The following CTSV variants were observed in gnomAD, a reference collection of about 807,000 sequenced individuals.
CTSV encodes the protein cathepsin V, also known as cathepsin L2.
In CTSV, 33 loss-of-function variants were observed where a neutral mutation model predicts 35.6. That is an observed-to-expected ratio of 0.93 (90% CI 0.70 to 1.24). CTSV has a LOEUF of 1.24. Ranked by LOEUF, CTSV falls within the 50% of genes most tolerant of loss-of-function variation. The probability of loss-of-function intolerance (pLI) is 0.00; values close to 1 mark genes in which losing one functional copy is unlikely to be tolerated. For synonymous variants in CTSV, 154 were observed against 147.1 expected (o/e 1.05, Z -0.34); for missense variants, 408 against 413.1 (o/e 0.99, Z 0.11).
Position 97,030,648 on chromosome 9 carries a change from C to T in CTSV, c.*2301G>A, listed in dbSNP as rs1184186895. On this transcript the variant is annotated 3_prime_UTR_variant, in exon 8 of 8. Coordinates refer to ENST00000259470, the MANE Select transcript of CTSV (RefSeq NM_001333.4). ...GATTATAGATTAACTAAAAGTATTC[C>T]TTCCCAAACGAAACAAAGGCATGGG... is the stretch of plus-strand genomic sequence containing the variant. 6.6e-6 allele frequency: 1 copy of T among 152,164 alleles called. No homozygotes were observed. Among genetic ancestry groups the T allele is most frequent in the Non-Finnish European group, 1.5e-5 (1 of 68,022 alleles). 9.4% of individuals were successfully genotyped at this position (152,164 alleles called of 1,614,324 possible). A position where few individuals can be genotyped will look rare whatever the true frequency, so the allele number is the denominator to read the frequency against.
chr9:97,038,335 T>C (rs1040962234), intron 1 of CTSV: 11 of 274,366 alleles, frequency 4.0e-5, no homozygotes, highest in Admixed American at 9.2e-5. Context: ...ACTAGAAAAC[T>C]AGGAAAGAGT....
At chr9:97,034,572 G>C in intron 7 of CTSV, 154 bp downstream of exon 7, 1 of 613,986 alleles carries the variant, frequency 1.6e-6, no homozygotes, top group South Asian at 2.2e-5. Flanking sequence ...ACTCCAAAAA[G>C]CTTGGTACGG....
chr9:97,034,083 C>A (rs144624896), intron 7 of CTSV, among the ~76,000 whole-genome samples: 5 of 152,084 alleles, frequency 3.3e-5, no homozygotes, highest in Non-Finnish European at 7.4e-5. Context: ...GGTGACAGAG[C>A]GACACTCTGT....
At position 97,030,278 on chromosome 9, in the gene CTSV, T is replaced by C. The variant is rs1828719174; in HGVS notation, c.*2671A>G. The C allele has an allele frequency of 6.6e-6, 1 of 152,218 alleles. No individual in the cohort carries two copies. Among genetic ancestry groups the C allele is most frequent in the African/African-American group, 2.4e-5 (1 of 41,448 alleles). 9.4% of individuals were successfully genotyped at this position (152,218 alleles called of 1,614,324 possible). ...GGATGTTTCCTTATTGCTAAGTCCA[T>C]AGCCTCTAGTATGATGCCCAAGTGT... is the stretch of plus-strand genomic sequence containing the variant. On this transcript the variant is annotated 3_prime_UTR_variant, in exon 8 of 8. Transcript: ENST00000259470.
intron 1 of CTSV, chr9:97,038,525 T>C (rs1024956739): frequency 2.6e-5 from 4 of 154,680 alleles, no homozygotes; most frequent in African/African-American, 9.6e-5. Context: ...ATAAAACCTT[T>C]CGGGAATCCC....
At position 97,037,980 on chromosome 9, in the gene CTSV, C is replaced by A; in HGVS notation, c.64G>T (p.Asp22Tyr). The change falls in exon 2 of 8, where the codon GAC becomes TAC. Residue 22 changes from aspartate (D) to tyrosine (Y), a missense_variant. Asp to Tyr is a radical substitution (Grantham distance 160). Transcript: ENST00000259470. ...TACCACTTTGTATCCAAATTTTGGTCAAATTTTGGAACAGCGGAGGCTATT... is the reference window on the plus strand; with the variant it reads ...TACCACTTTGTATCCAAATTTTGGTAAAATTTTGGAACAGCGGAGGCTATT... ...LGIASAVPKF[D>Y]QNLDTKWYQW... 1 of 1,613,972 alleles carries A rather than the reference C, an allele frequency of 6.2e-7. No individual in the cohort carries two copies. The highest frequency in any genetic ancestry group is 1.1e-5 in the South Asian group (1 of 91,044).
Position 97,029,978 on chromosome 9 carries a change from T to A in CTSV, c.*2971A>T, listed in dbSNP as rs1398378180. ...CAGGCTGTACCATATAGCCTAGGTGTGTAATAGGCTATACCATCTAGGTTT... is the reference window on the plus strand; with the variant it reads ...CAGGCTGTACCATATAGCCTAGGTGAGTAATAGGCTATACCATCTAGGTTT... On this transcript the variant is annotated 3_prime_UTR_variant, in exon 8 of 8. Transcript: ENST00000259470. 6.6e-6 allele frequency: 1 copy of A among 152,270 alleles called. No individual in the cohort carries two copies. The highest frequency in any genetic ancestry group is 1.5e-5 in the Non-Finnish European group (1 of 68,054). 9.4% of individuals were successfully genotyped at this position (152,270 alleles called of 1,614,324 possible).
Position 97,038,048 on chromosome 9 carries a change from C to A in CTSV, c.-5G>T. The A allele has an allele frequency of 1.2e-6, 2 of 1,612,978 alleles. No homozygotes were observed. Among genetic ancestry groups the A allele is most frequent in the South Asian group, 2.2e-5 (2 of 91,056 alleles). On this transcript the variant is annotated 5_prime_UTR_variant, in exon 2 of 8. Coordinates refer to ENST00000259470, the MANE Select transcript of CTSV (RefSeq NM_001333.4). ...CAGGACGAGCGAAAGATTCATGTTT[C>A]AAAACCTAGAAAGAGAAAAGAAATG... is the stretch of plus-strand genomic sequence containing the variant.
At position 97,034,801 on chromosome 9, in the gene CTSV, T is replaced by G; in HGVS notation, c.830A>C (p.His277Pro). The change falls in exon 7 of 8, where the codon CAT (histidine) becomes CCT (proline). Residue 277 changes from histidine to proline, a missense_variant. By Grantham distance (77) the His-to-Pro change is moderately conservative. Coordinates refer to ENST00000259470, the MANE Select transcript of CTSV (RefSeq NM_001333.4). ...EPDCSSKNLD[H>P]GVLVVGYGFE... is the part of the protein sequence containing the mutation. Reference sequence around the variant, plus strand: ...GCCGTAGCCAACCACCAGAACACCATGATCCAGGTTTTTGCTGCTGCAGTC... The same window carrying G: ...GCCGTAGCCAACCACCAGAACACCAGGATCCAGGTTTTTGCTGCTGCAGTC... 9.3e-6 allele frequency: 15 copies of G among 1,614,172 alleles called. No homozygotes were observed. The highest frequency in any genetic ancestry group is 1.3e-5 in the Non-Finnish European group (15 of 1,180,026).
chr9:97,039,566 G>A (rs1828921414), upstream of CTSV: 1 of 152,222 alleles, frequency 6.6e-6, no homozygotes. Flanking sequence ...GCAAAGGTGG[G>A]ACGGAGTGGA....
At position 97,036,898 on chromosome 9, in the gene CTSV, A is replaced by G; in HGVS notation, c.397-151T>C. 3 of 719,260 alleles carry G rather than the reference A, an allele frequency of 4.2e-6. No homozygotes were observed. In the South Asian group the frequency reaches 7.0e-5, roughly 17 times the overall value. 44.6% of individuals were successfully genotyped at this position (719,260 alleles called of 1,614,324 possible). A position where few individuals can be genotyped will look rare whatever the true frequency, so the allele number is the denominator to read the frequency against. On this transcript the variant is annotated intron_variant, in intron 4 of 7. Transcript: ENST00000259470. ...GGCGGGCAGATCACTTGAGGAGAGG[A>G]GTTTGAAATCCGCCTGGCCAACATG...
rs1448584052 is a variant in CTSV, at chr9:97,034,842, G to A, written c.789C>T (p.Gly263=). 6.2e-7 allele frequency: 1 copy of A among 1,612,572 alleles called. No individual in the cohort carries two copies. Among genetic ancestry groups the A allele is most frequent in the African/African-American group, 1.3e-5 (1 of 74,878 alleles). The change falls in exon 7 of 8, where the codon GGC becomes GGT. Residue 263 remains glycine (G), a splice_region_variant and synonymous_variant. Coordinates refer to ENST00000259470, the MANE Select transcript of CTSV (RefSeq NM_001333.4). ...TGCTGCAGTCTGGTTCAAAATAAATGCCTGGGAGAGTAAAATTAATGCTGG... is the reference window on the plus strand; with the variant it reads ...TGCTGCAGTCTGGTTCAAAATAAATACCTGGGAGAGTAAAATTAATGCTGG... ...GHSSFQFYKS[G]IYFEPDCSSK...
chr9:97,034,790 C>A lies in CTSV; in HGVS notation c.841G>T (p.Val281Leu), dbSNP rs1828817773. The A allele has an allele frequency of 6.2e-7, 1 of 1,614,112 alleles. No homozygotes were observed. Among genetic ancestry groups the A allele is most frequent in the South Asian group, 1.1e-5 (1 of 91,070 alleles). ...SSKNLDHGVL[V>L]VGYGFEGANS... ...GCTCCTTCAAAGCCGTAGCCAACCA[C>A]CAGAACACCATGATCCAGGTTTTTG... is the stretch of plus-strand genomic sequence containing the variant. The change falls in exon 7 of 8, where the codon GTG becomes TTG. Residue 281 changes from valine (V) to leucine (L), a missense_variant. Val to Leu is a conservative substitution (Grantham distance 32, BLOSUM62 1). Transcript: ENST00000259470.
chr9:97,033,405 G>A (rs1403303218), intron 7 of CTSV, among the ~76,000 whole-genome samples: 2 of 148,826 alleles, frequency 1.3e-5, no homozygotes, highest in African/African-American at 5.0e-5. Context: ...GGTTTCAGGA[G>A]TTTGAGACCA....
chr9:97,035,445 C>T, intron 6 of CTSV, 83 bp downstream of exon 6: 1 of 1,161,848 alleles, frequency 8.6e-7, no homozygotes, highest in Non-Finnish European at 1.1e-6. Flanking sequence ...TACATTCCTG[C>T]AAAGCAGGAT....
intron 2 of CTSV, 55 bp from the exon 3 acceptor site, chr9:97,037,670 C>T: frequency 6.3e-7 from 1 of 1,594,410 alleles, no homozygotes; most frequent in Non-Finnish European, 8.5e-7. Flanking sequence ...AACCCATGTT[C>T]ACCAAGCCGA....
At chr9:97,036,486 G>T in intron 5 of CTSV, 37 bp downstream of exon 5, 1 of 1,477,832 alleles carries the variant, frequency 6.8e-7, no homozygotes, top group Non-Finnish European at 9.5e-7. Context: ...CTTTCCAAAA[G>T]CAGAGCACGA....
rs1170770878 is a variant in CTSV, at chr9:97,029,874, GAATA to G, written c.*3071_*3074del. On this transcript the variant is annotated 3_prime_UTR_variant, in exon 8 of 8. Coordinates refer to ENST00000259470, the MANE Select transcript of CTSV (RefSeq NM_001333.4). ...ACTGTACTTTTCTGTTCAGATACAC[GAATA>G]CTTACCACTGTGTTACAACTGTGTA... The G allele has an allele frequency of 6.6e-6, 1 of 152,138 alleles. No homozygotes were observed. The highest frequency in any genetic ancestry group is 1.9e-4 in the East Asian group (1 of 5,196). 9.4% of individuals were successfully genotyped at this position (152,138 alleles called of 1,614,324 possible). A position where few individuals can be genotyped will look rare whatever the true frequency, so the allele number is the denominator to read the frequency against.
At chr9:97,037,715 G>A in intron 2 of CTSV, 100 bp from the exon 3 acceptor site, 1 of 1,527,724 alleles carries the variant, frequency 6.5e-7, no homozygotes, top group Non-Finnish European at 8.9e-7. Flanking sequence ...ACCATGGCCA[G>A]GGATGGGTTG....
Sources: gnomAD v4.1 joint callset for allele counts (sites outside exome capture counted in the v4.1 genomes callset) on GRCh38, gnomAD v4.1.1 for gene constraint, MANE v1.5 for transcripts, NCBI Gene and HGNC (gene_info 2026-07-23, HGNC 2026-07-21) for gene names.